The following STK3 variants were observed in gnomAD, a reference collection of about 807,000 sequenced individuals.
STK3 encodes the protein serine/threonine kinase 3.
A neutral mutation model predicts 58.0 loss-of-function variants in STK3; 41 were observed. The ratio of observed to expected loss-of-function variants is 0.71; its 90% CI spans 0.55 to 0.92. The LOEUF (loss-of-function observed/expected upper bound fraction) is 0.92. Ranked by LOEUF, STK3 falls within the 40% of genes least tolerant of loss-of-function variation. The pLI is 0.00. For missense variants in STK3, 479 were observed against 602.7 expected, an observed-to-expected ratio of 0.79 and a Z score of 2.15; for synonymous variants, 170 against 191.0, an observed-to-expected ratio of 0.89 and a Z score of 0.91.
chr8:98,889,070 G>A (rs1200770375), intron 1 of STK3, among the ~76,000 whole-genome samples: 3 of 152,140 alleles, frequency 2.0e-5, no homozygotes, highest in South Asian at 2.1e-4. Context: ...AAAACAGAGC[G>A]ACCCTGCAGC....
At chr8:98,447,561 T>C (rs555893558) in intron 1 of STK3, among the ~76,000 whole-genome samples, 3 of 147,980 alleles carry the variant, frequency 2.0e-5, no homozygotes, top group African/African-American at 7.4e-5. Flanking sequence ...TATATATATA[T>C]AGTATCTATA....
chr8:98,914,492 A>ACT (rs201799011), intron 1 of STK3, among the ~76,000 whole-genome samples: 40,319 of 135,834 alleles, frequency 0.3, 6,315 homozygotes, highest in South Asian at 0.53. Flanking sequence ...ACACACACAC[A>ACT]CTCTCTCTCT....
chr8:98,817,256 C>T (rs1262919902), intron 1 of STK3, among the ~76,000 whole-genome samples: 1 of 152,048 alleles, frequency 6.6e-6, no homozygotes, highest in East Asian at 1.9e-4. Flanking sequence ...TAGTTCGAGA[C>T]CAGACAGGCC....
intron 1 of STK3, among the ~76,000 whole-genome samples, chr8:98,775,493 C>T (rs552669657): frequency 4.1e-4 from 63 of 152,320 alleles, no homozygotes; most frequent in Non-Finnish European, 7.3e-4. Context: ...CCACACGGAG[C>T]CAAGACTGTG....
intron 3 of STK3, among the ~76,000 whole-genome samples, chr8:98,751,551 A>G (rs1163093998): frequency 6.6e-6 from 1 of 152,206 alleles, no homozygotes; most frequent in Non-Finnish European, 1.5e-5. Context: ...CAAACTAGGG[A>G]GGTGAAAGAT....
At chr8:98,582,048 C>A (rs1415670101) in intron 7 of STK3, among the ~76,000 whole-genome samples, 2 of 152,002 alleles carry the variant, frequency 1.3e-5, no homozygotes, top group Non-Finnish European at 1.5e-5. Flanking sequence ...AGAACATGAA[C>A]AAAATTTAAG....
rs559481765 is a variant in STK3 at position 98,784,731 on chromosome 8, C to G, written c.27-9912G>C. On this transcript the variant is annotated intron_variant, in intron 1 of 10. Transcript: ENST00000419617. Reference sequence around the variant, plus strand: ...AGATTGTGGTACAGTGGGGCCCTCTCCACTCCACATGGAGACAGATACCCA... The same window carrying G: ...AGATTGTGGTACAGTGGGGCCCTCTGCACTCCACATGGAGACAGATACCCA... Among the ~76,000 whole-genome samples, 22 of 152,244 alleles carry G rather than the reference C, an allele frequency of 1.4e-4. No individual in the cohort carries two copies. In the South Asian group the frequency reaches 4.6e-3, roughly 32 times the overall value.
At chr8:98,886,268 C>T (rs1354594086) in intron 1 of STK3, among the ~76,000 whole-genome samples, 2 of 152,288 alleles carry the variant, frequency 1.3e-5, no homozygotes, top group Non-Finnish European at 2.9e-5. Flanking sequence ...CTTCCTAATT[C>T]TGATCCTGTA....
At chr8:98,549,914 G>A (rs767609698) in intron 8 of STK3, among the ~76,000 whole-genome samples, 37 of 152,232 alleles carry the variant, frequency 2.4e-4, no homozygotes, top group South Asian at 1.7e-3. Context: ...GGCTGAGGCT[G>A]GAAGACTGCC....
chr8:98,650,890 T>A (rs1427301740), intron 6 of STK3, among the ~76,000 whole-genome samples: 1 of 152,246 alleles, frequency 6.6e-6, no homozygotes, highest in East Asian at 1.9e-4. Flanking sequence ...CCTGCCTCTG[T>A]AGGCTGCACC....
chr8:98,718,290 G>C (rs753447112), intron 4 of STK3, among the ~76,000 whole-genome samples: 53 of 152,266 alleles, frequency 3.5e-4, no homozygotes, highest in Non-Finnish European at 5.4e-4. Context: ...CACCATATTT[G>C]AGTTGAATAA....
chr8:98,429,300 T>C, intron 3 of STK3: 2 of 1,614,152 alleles, frequency 1.2e-6, no homozygotes, highest in Admixed American at 1.7e-5. Flanking sequence ...GGAGGTCCCT[T>C]CGGTCAATTT....
At chr8:98,826,217 A>G (rs1192288524), upstream of STK3, among the ~76,000 whole-genome samples, 1 of 152,118 alleles carries the variant, frequency 6.6e-6, no homozygotes, top group Non-Finnish European at 1.5e-5. Context: ...ACACATCCTA[A>G]CATCGTGTGA....
chr8:98,548,209 G>A (rs1489935978), intron 8 of STK3, 48 bp from the exon 9 acceptor site: 1 of 1,344,510 alleles, frequency 7.4e-7, no homozygotes, highest in Non-Finnish European at 9.6e-7. Context: ...ATGACAGCTG[G>A]ATTTCTTAAT....
intron 6 of STK3, among the ~76,000 whole-genome samples, chr8:98,613,999 A>G (rs924637390): frequency 6.6e-6 from 1 of 152,224 alleles, no homozygotes; most frequent in African/African-American, 2.4e-5. Flanking sequence ...AAATATAACA[A>G]GCACTAATGT....
chr8:98,546,622 C>A (rs573654390), intron 9 of STK3, among the ~76,000 whole-genome samples: 1 of 152,058 alleles, frequency 6.6e-6, no homozygotes, highest in African/African-American at 2.4e-5. Flanking sequence ...TCCACTTGTA[C>A]CCCAACACTA....
chr8:98,749,906 T>G (rs1292575314), intron 3 of STK3, among the ~76,000 whole-genome samples: 2 of 152,104 alleles, frequency 1.3e-5, no homozygotes, highest in Admixed American at 1.3e-4. Flanking sequence ...CAATTTAATT[T>G]CTAAACTGAG....
At chr8:98,612,398 TAC>T (rs150204604) in intron 6 of STK3, among the ~76,000 whole-genome samples, 3 of 148,566 alleles carry the variant, frequency 2.0e-5, no homozygotes, top group African/African-American at 7.5e-5. Context: ...TATATATATA[TAC>T]ACACACACAC....
rs1313617218 is a variant in STK3, at chr8:98,811,825, TTTG to T, written c.26+13687_26+13689del. On this transcript the variant is annotated intron_variant, in intron 1 of 10. Coordinates refer to ENST00000419617, the MANE Select transcript of STK3 (RefSeq NM_006281.4). ...ACCTCAAACTAGTAAAATGAAAGGT[TTTG>T]TTGTTGTTTTTTGAGACGAAGTCTT... Among the ~76,000 whole-genome samples the T allele has an allele frequency of 2.6e-5, 4 of 152,266 alleles. No homozygotes were observed. The South Asian group carries it at 6.2e-4, about 24-fold the overall frequency.
Sources: gnomAD v4.1 joint callset for allele counts (sites outside exome capture counted in the v4.1 genomes callset) on GRCh38, gnomAD v4.1.1 for gene constraint, MANE v1.5 for transcripts, NCBI Gene and HGNC (gene_info 2026-07-23, HGNC 2026-07-21) for gene names.